The following TRIM5 variants were observed in gnomAD, a reference collection of about 807,000 sequenced individuals.
TRIM5 encodes the protein tripartite motif-containing protein 5.
A neutral mutation model predicts 35.6 loss-of-function variants in TRIM5; 31 were observed. The observed-to-expected ratio is 0.87, with a 90% confidence interval of 0.65 to 1.18. The LOEUF is 1.18. Ranked by LOEUF, TRIM5 falls within the 50% of genes most tolerant of loss-of-function variation. TRIM5 has a pLI of 0.00. For synonymous variants in TRIM5, 243 were observed against 215.6 expected (o/e 1.13, Z -1.11); for missense variants, 609 against 591.6 (o/e 1.03, Z -0.31).
chr11:5,647,356 GA>G, the TRIM5 span, among the ~76,000 whole-genome samples: 2 of 151,920 alleles, frequency 1.3e-5, no homozygotes, highest in Non-Finnish European at 2.9e-5. Flanking sequence ...TTACACCAAG[GA>G]AAAAAACTAT....
At chr11:5,677,901 G>GA in intron 4 of TRIM5, 1 of 242,356 alleles carries the variant, frequency 4.1e-6, no homozygotes, top group Non-Finnish European at 7.8e-6. Flanking sequence ...GCTGAGCAAT[G>GA]AAAAGCTGCA....
chr11:5,633,029 G>A, the TRIM5 span, among the ~76,000 whole-genome samples: 198 of 148,498 alleles, frequency 1.3e-3, 3 homozygotes, highest in South Asian at 0.039. Context: ...TAGTAGAGAC[G>A]GGATTTCACC....
chr11:5,648,737 A>G, the TRIM5 span, among the ~76,000 whole-genome samples: 1 of 152,310 alleles, frequency 6.6e-6, no homozygotes, highest in African/African-American at 2.4e-5. Context: ...GGCTTTTGGT[A>G]TCTGCAGATG....
chr11:5,632,730 G>A, the TRIM5 span: 5,971 of 1,607,418 alleles, frequency 3.7e-3, 186 homozygotes, highest in African/African-American at 0.069. Context: ...CAGTCCTCAC[G>A]GAGGAAGTAT....
chr11:5,605,568 G>A, the TRIM5 span: 1 of 1,612,502 alleles, frequency 6.2e-7, no homozygotes, highest in Non-Finnish European at 8.5e-7. Context: ...GCTGCTGCAG[G>A]TAAGGCTTGT....
the TRIM5 span, chr11:5,605,604 G>A: frequency 6.4e-7 from 1 of 1,572,896 alleles, no homozygotes; most frequent in East Asian, 2.3e-5. Flanking sequence ...TGAGAGTCAA[G>A]GAAAAGAGAA....
At chr11:5,666,338 A>G in intron 5 of TRIM5, 1 of 533,624 alleles carries the variant, frequency 1.9e-6, no homozygotes. Flanking sequence ...AAATGAAATA[A>G]TTAACCTCTC....
intron 1 of TRIM5, among the ~76,000 whole-genome samples, chr11:5,681,406 C>T (rs934973054): frequency 2.6e-5 from 4 of 152,298 alleles, no homozygotes; most frequent in Admixed American, 6.5e-5. Flanking sequence ...TATACGTCTA[C>T]GTATAGGTGT....
chr11:5,668,109 A>C (rs1054679994), intron 4 of TRIM5, among the ~76,000 whole-genome samples: 2 of 152,186 alleles, frequency 1.3e-5, no homozygotes. Flanking sequence ...TCTACAAAAA[A>C]TAAAATAAAA....
At chr11:5,659,671 T>C (rs1374314500), downstream of TRIM5, among the ~76,000 whole-genome samples, 3 of 152,048 alleles carry the variant, frequency 2.0e-5, no homozygotes, top group Admixed American at 6.6e-5. Context: ...GTACAGACCA[T>C]AGAACATACT....
the TRIM5 span, among the ~76,000 whole-genome samples, chr11:5,613,748 CTTT>C: frequency 6.6e-6 from 1 of 152,066 alleles, no homozygotes; most frequent in Non-Finnish European, 1.5e-5. Flanking sequence ...AGTAATTTTT[CTTT>C]TTTGTCACCA....
the TRIM5 span, among the ~76,000 whole-genome samples, chr11:5,628,253 C>T: frequency 6.6e-6 from 1 of 152,232 alleles, no homozygotes; most frequent in African/African-American, 2.4e-5. Flanking sequence ...TCTCCTGGAG[C>T]CCCCCGGTAT....
At chr11:5,643,162 C>A in the TRIM5 span, 1 of 1,537,676 alleles carries the variant, frequency 6.5e-7, no homozygotes, top group South Asian at 1.3e-5. Flanking sequence ...ACACTGAATT[C>A]AGTCAACCTA....
the TRIM5 span, among the ~76,000 whole-genome samples, chr11:5,640,144 C>A: frequency 8.5e-5 from 13 of 152,294 alleles, no homozygotes; most frequent in South Asian, 1.2e-3. Flanking sequence ...TGACTAGAAC[C>A]TCCAATACCA....
the TRIM5 span, chr11:5,596,537 CCCCCTTCCCCCTTCCCCCTT>C: frequency 7.2e-5 from 1 of 13,954 alleles, no homozygotes; most frequent in Non-Finnish European, 3.2e-4. Context: ...CTTCCCCCTT[CCCCCTTCCCCCTTCCCCCTT>C]CCCCTCCCCC....
At chr11:5,647,984 C>T in the TRIM5 span, among the ~76,000 whole-genome samples, 3 of 152,184 alleles carry the variant, frequency 2.0e-5, no homozygotes, top group East Asian at 3.9e-4. Flanking sequence ...GATTTATTCT[C>T]GGTAGTTTTA....
intron 1 of TRIM5, among the ~76,000 whole-genome samples, chr11:5,681,788 T>C (rs1271894407): frequency 6.6e-6 from 1 of 152,174 alleles, no homozygotes; most frequent in Non-Finnish European, 1.5e-5. Flanking sequence ...ACTGGCTCTA[T>C]CAGCTTTTAA....
At chr11:5,606,868 C>A in the TRIM5 span, among the ~76,000 whole-genome samples, 1 of 152,180 alleles carries the variant, frequency 6.6e-6, no homozygotes, top group Admixed American at 6.5e-5. Flanking sequence ...AGACATTGTT[C>A]TTTCTCTTTT....
At chr11:5,599,426 C>T in the TRIM5 span, among the ~76,000 whole-genome samples, 52 of 106,230 alleles carry the variant, frequency 4.9e-4, no homozygotes, top group African/African-American at 1.7e-3. Flanking sequence ...TATTTTGAGA[C>T]GGAGTCTCGC....
Sources: gnomAD v4.1 joint callset for allele counts (sites outside exome capture counted in the v4.1 genomes callset) on GRCh38, gnomAD v4.1.1 for gene constraint, MANE v1.5 for transcripts, NCBI Gene and HGNC (gene_info 2026-07-23, HGNC 2026-07-21) for gene names.